Variants in GIT1 observed in about 807,000 individuals in gnomAD.
GIT1 encodes the protein ARF GTPase-activating protein GIT1.
Under a neutral mutation model 91.7 loss-of-function variants are expected in GIT1, and 14 were observed. The observed-to-expected ratio is 0.15, with a 90% CI of 0.10 to 0.24. GIT1 has a LOEUF of 0.24. GIT1 is among the 10% of genes least tolerant of loss of function. The probability of loss-of-function intolerance (pLI) is 1.00; values close to 1 mark genes in which losing one functional copy is unlikely to be tolerated. For missense variants in GIT1, 717 were observed against 1,024.9 expected (o/e 0.70, Z 4.10); for synonymous variants, 414 against 418.2 (o/e 0.99, Z 0.12).
rs978839274 is a variant in GIT1 at position 29,581,170 on chromosome 17, C to A, written c.761+168G>T. 1.6e-6 allele frequency: 1 copy of A among 631,114 alleles called. No homozygotes were observed. Among genetic ancestry groups the A allele is most frequent in the South Asian group, 1.8e-5 (1 of 56,492 alleles). 39.1% of individuals were successfully genotyped at this position (631,114 alleles called of 1,614,324 possible). On this transcript the variant is annotated intron_variant, in intron 7 of 19. Coordinates refer to ENST00000225394, the MANE Select transcript of GIT1 (RefSeq NM_014030.4). This position sits in a 1 kb window ranked among gnomAD's most constrained non-coding sequence, Gnocchi z 4.8. ...CCACATATGGAGCTGACATTTTTTA[C>A]CTGCCTTGGGGCCCAGCATTAGGGA... is the stretch of plus-strand genomic sequence containing the variant.
chr17:29,584,325 T>C (rs1021390591), intron 1 of GIT1, among the ~76,000 whole-genome samples: 5 of 152,208 alleles, frequency 3.3e-5, no homozygotes, highest in African/African-American at 1.2e-4. Context: ...GCGAGGCTAA[T>C]GAGTAGAATT....
chr17:29,573,531 C>CCCA lies in GIT1; in HGVS notation c.*1168_*1170dup, dbSNP rs2033064118. 1 of 152,586 alleles carries CCCA rather than the reference C, an allele frequency of 6.6e-6. No homozygotes were observed. The highest frequency in any genetic ancestry group is 6.5e-5 in the Admixed American group (1 of 15,284). The allele number at this position is 152,586 out of a possible 1,614,324, so 9.5% of individuals were successfully genotyped here. On this transcript the variant is annotated 3_prime_UTR_variant, in exon 20 of 20. Coordinates refer to ENST00000225394, the MANE Select transcript of GIT1 (RefSeq NM_014030.4). ...GTACATGACACGTCTTGACAGCCCA[C>CCCA]CCACCACCACACAGGTAGGGCCTGG...
At position 29,581,354 on chromosome 17, in the gene GIT1, G is replaced by T; in HGVS notation, c.745C>A (p.Pro249Thr). The change falls in exon 7 of 20, where the codon CCA (proline) becomes ACA (threonine). Residue 249 changes from proline to threonine, a missense_variant. By Grantham distance (38) the Pro-to-Thr change is conservative. Transcript: ENST00000225394. This position sits in a 1 kb window ranked among gnomAD's most constrained non-coding sequence, Gnocchi z 4.8. ...GGCACTCACCTGTCAGCCATCTGTGGGATGATGTAATGCCCATTCTTGTGA... is the reference window on the plus strand; with the variant it reads ...GGCACTCACCTGTCAGCCATCTGTGTGATGATGTAATGCCCATTCTTGTGA... ...PDHKNGHYII[P>T]QMADSLDLSE... 1 of 1,612,632 alleles carries T rather than the reference G, an allele frequency of 6.2e-7. No homozygotes were observed. The highest frequency in any genetic ancestry group is 1.1e-5 in the South Asian group (1 of 91,056).
At chr17:29,579,561 C>T (rs886158909) in intron 7 of GIT1, among the ~76,000 whole-genome samples, 1 of 152,066 alleles carries the variant, frequency 6.6e-6, no homozygotes, top group African/African-American at 2.4e-5. Flanking sequence ...GCCTGGGCAA[C>T]ACAGAGATAC....
chr17:29,576,732 G>C lies in GIT1; in HGVS notation c.1228-58C>G. The C allele has an allele frequency of 2.5e-6, 4 of 1,604,442 alleles. No individual in the cohort carries two copies. In the South Asian group the frequency reaches 4.4e-5, roughly 18 times the overall value. ...GGGGGCAGGGAGGCCAACACCCGCA[G>C]GGGGCAGTTATTGAGGCTAGGAGCA... On this transcript the variant is annotated intron_variant, in intron 12 of 19. Transcript: ENST00000225394.
chr17:29,581,466 C>G lies in GIT1; in HGVS notation c.719-86G>C, dbSNP rs1598573472. ...GCCCACCTCACTGCCATGAGCAGGG[C>G]TGGCACCCAGAAGTGTCAGGGGAAA... is the stretch of plus-strand genomic sequence containing the variant. On this transcript the variant is annotated intron_variant, in intron 6 of 19. Transcript: ENST00000225394. This position sits in a 1 kb window ranked among gnomAD's most constrained non-coding sequence, Gnocchi z 4.8. 27 of 1,075,152 alleles carry G rather than the reference C, an allele frequency of 2.5e-5. No individual in the cohort carries two copies. The highest frequency in any genetic ancestry group is 3.8e-5 in the Non-Finnish European group (26 of 692,218). 66.6% of individuals were successfully genotyped at this position (1,075,152 alleles called of 1,614,324 possible).
At chr17:29,577,890 C>T in intron 9 of GIT1, 148 bp from the exon 10 acceptor site, 1 of 634,952 alleles carries the variant, frequency 1.6e-6, no homozygotes, top group Non-Finnish European at 2.9e-6. Flanking sequence ...GCACGCAGAG[C>T]TAGGCCGGGC....
intron 1 of GIT1, among the ~76,000 whole-genome samples, chr17:29,586,517 A>T (rs949423983): frequency 6.6e-6 from 1 of 152,196 alleles, no homozygotes; most frequent in African/African-American, 2.4e-5. Flanking sequence ...ACTCAGGTGC[A>T]GGCATTGACA....
chr17:29,581,344 G>T lies in GIT1; in HGVS notation c.755C>A (p.Ala252Asp), dbSNP rs2033388922. 2 of 1,611,840 alleles carry T rather than the reference G, an allele frequency of 1.2e-6. No individual in the cohort carries two copies. Among genetic ancestry groups the T allele is most frequent in the Non-Finnish European group, 8.5e-7 (1 of 1,178,268 alleles). ...GCATCAGGTGGGCACTCACCTGTCA[G>T]CCATCTGTGGGATGATGTAATGCCC... ...KNGHYIIPQM[A>D]DSLDLSELAK... The change falls in exon 7 of 20, where the codon GCT becomes GAT. Residue 252 changes from alanine to aspartate, a missense_variant. This residue lies in a region of GIT1 where 271 missense variants were observed against 451.6 expected (regional missense o/e 0.60). Transcript: ENST00000225394. The surrounding 1 kb of genome is among the most constrained non-coding windows in gnomAD (Gnocchi z 4.8).
chr17:29,579,122 T>G, intron 7 of GIT1: 1 of 753,732 alleles, frequency 1.3e-6, no homozygotes, highest in Non-Finnish European at 2.3e-6. Flanking sequence ...GGGACAAAGC[T>G]GAATTCATCT....
chr17:29,578,054 G>A (rs2033273624), intron 9 of GIT1, among the ~76,000 whole-genome samples: 1 of 152,214 alleles, frequency 6.6e-6, no homozygotes, highest in Non-Finnish European at 1.5e-5. Context: ...GCCAAAGTGG[G>A]AGGCTGCCAG....
chr17:29,581,145 C>T lies in GIT1; in HGVS notation c.761+193G>A. 1.6e-6 allele frequency: 1 copy of T among 612,780 alleles called. No homozygotes were observed. The highest frequency in any genetic ancestry group is 2.9e-6 in the Non-Finnish European group (1 of 340,912). 38.0% of individuals were successfully genotyped at this position (612,780 alleles called of 1,614,324 possible). A position where few individuals can be genotyped will look rare whatever the true frequency, so the allele number is the denominator to read the frequency against. On this transcript the variant is annotated intron_variant, in intron 7 of 19. Transcript: ENST00000225394. The surrounding 1 kb of genome is among the most constrained non-coding windows in gnomAD (Gnocchi z 4.8). ...AGTCACGGGGCTCAGGCTATGCGGG[C>T]CACATATGGAGCTGACATTTTTTAC...
intron 1 of GIT1, among the ~76,000 whole-genome samples, chr17:29,585,796 G>A (rs1367527308): frequency 1.3e-5 from 2 of 152,192 alleles, no homozygotes; most frequent in African/African-American, 2.4e-5. Context: ...CCAAACCTGG[G>A]ACGGAAAGGA....
chr17:29,582,099 G>T lies in GIT1; in HGVS notation c.451C>A (p.Arg151Ser). 1 of 1,601,474 alleles carries T rather than the reference G, an allele frequency of 6.2e-7. No individual in the cohort carries two copies. Reference protein sequence around the residue: ...VRTGNLETCLRLLSLGAQANF... With the variant: ...VRTGNLETCLSLLSLGAQANF... ...GCCTGGGCACCCAGGGAGAGCAGGCGCAGACATGTCTCCAGGTTGCCTGTC... is the reference window on the plus strand; with the variant it reads ...GCCTGGGCACCCAGGGAGAGCAGGCTCAGACATGTCTCCAGGTTGCCTGTC... Residue 151 changes from arginine (R) to serine (S), a missense_variant, in exon 5 of 20, where the codon CGC becomes AGC. Physicochemically the swap from Arg to Ser is moderately radical, Grantham distance 110. Coordinates refer to ENST00000225394, the MANE Select transcript of GIT1 (RefSeq NM_014030.4).
intron 10 of GIT1, 59 bp from the exon 11 acceptor site, chr17:29,577,306 G>A (rs532735539): frequency 1.4e-5 from 18 of 1,274,742 alleles, no homozygotes; most frequent in East Asian, 9.3e-5. Context: ...GACGCAGGAC[G>A]GCAGGGACCA....
chr17:29,582,273 C>T (rs1034117052), intron 4 of GIT1, 129 bp from the exon 5 acceptor site: 14 of 672,026 alleles, frequency 2.1e-5, no homozygotes, highest in Admixed American at 1.2e-4. Context: ...CAGACTATGT[C>T]GGGAGGACAG....
At position 29,582,801 on chromosome 17, in the gene GIT1, G is replaced by A; in HGVS notation, c.302C>T (p.Pro101Leu). 1 of 1,611,078 alleles carries A rather than the reference G, an allele frequency of 6.2e-7. No homozygotes were observed. Among genetic ancestry groups the A allele is most frequent in the Non-Finnish European group, 8.5e-7 (1 of 1,177,680 alleles). The stretch of plus-strand genomic sequence containing the variant: ...GGCCCTGATGAACTCTGACTTGATG[G>A]GGCTGCATGGGGCACACAGGAGGAA... ...RKANPQDKVHPIKSEFIRAKY... is the reference protein window; with the variant it reads ...RKANPQDKVHLIKSEFIRAKY... Residue 101 changes from proline (P) to leucine (L), a missense_variant and splice_region_variant, in exon 4 of 20, where the codon CCC becomes CTC. Pro to Leu is a moderately conservative substitution (Grantham distance 98). This residue lies in a region of GIT1 where 271 missense variants were observed against 451.6 expected (regional missense o/e 0.60). Coordinates refer to ENST00000225394, the MANE Select transcript of GIT1 (RefSeq NM_014030.4).
Position 29,581,273 on chromosome 17 carries a change from C to T in GIT1, c.761+65G>A. The T allele has an allele frequency of 8.0e-7, 1 of 1,249,800 alleles. No individual in the cohort carries two copies. Among genetic ancestry groups the T allele is most frequent in the Non-Finnish European group, 1.2e-6 (1 of 849,450 alleles). 77.4% of individuals were successfully genotyped at this position (1,249,800 alleles called of 1,614,324 possible). On this transcript the variant is annotated intron_variant, in intron 7 of 19. Coordinates refer to ENST00000225394, the MANE Select transcript of GIT1 (RefSeq NM_014030.4). This position sits in a 1 kb window ranked among gnomAD's most constrained non-coding sequence, Gnocchi z 4.8. The stretch of plus-strand genomic sequence containing the variant: ...GCCTCTGAAACCTGGGCTGGGAGCT[C>T]TGGGGGTCAGCCACCCACATGGCAT...
Position 29,581,006 on chromosome 17 carries a change from C to T in GIT1, c.761+332G>A, listed in dbSNP as rs573608580. The T allele has an allele frequency of 3.1e-4, 100 of 324,876 alleles. No homozygotes were observed. The highest frequency in any genetic ancestry group is 9.5e-4 in the Admixed American group (24 of 25,252). The allele number at this position is 324,876 out of a possible 1,614,324, so 20.1% of individuals were successfully genotyped here. ...GTTGGCCAGGCTAGTCTTGAACTCC[C>T]GACCTCAGGTGATCCGCCCGCCTCG... On this transcript the variant is annotated intron_variant, in intron 7 of 19. Coordinates refer to ENST00000225394, the MANE Select transcript of GIT1 (RefSeq NM_014030.4). The surrounding 1 kb of genome is among the most constrained non-coding windows in gnomAD (Gnocchi z 4.8).
Sources: gnomAD v4.1 joint callset for allele counts (sites outside exome capture counted in the v4.1 genomes callset) on GRCh38, gnomAD v4.1.1 for gene constraint, gnomAD v4.1.1 regional missense constraint, Gnocchi (gnomAD v3.1) non-coding constraint, MANE v1.5 for transcripts, NCBI Gene and HGNC (gene_info 2026-07-23, HGNC 2026-07-21) for gene names.